Variants in GLIS3 observed in about 807,000 individuals in gnomAD.
GLIS3 encodes zinc finger protein GLIS3.
In GLIS3, 53 loss-of-function variants were observed where a neutral mutation model predicts 78.6. The observed-to-expected ratio is 0.67, with a 90% CI of 0.54 to 0.85. The LOEUF (loss-of-function observed/expected upper bound fraction) is 0.85, where lower values mean the gene tolerates loss of function less well. Ranked by LOEUF, GLIS3 falls within the 40% of genes least tolerant of loss-of-function variation. The pLI, the probability that GLIS3 is intolerant of heterozygous loss-of-function variation, is 0.00. For synonymous variants in GLIS3, 684 were observed against 509.9 expected (o/e 1.34, Z -4.60); for missense variants, 1,703 against 1,231.1 (o/e 1.38, Z -5.74).
At chr9:3,988,744 G>A (rs566803736) in intron 4 of GLIS3, among the ~76,000 whole-genome samples, 4 of 151,932 alleles carry the variant, frequency 2.6e-5, no homozygotes, top group South Asian at 4.1e-4. Context: ...AACCTCATAC[G>A]TTATACGAAG....
At chr9:4,288,175 A>G (rs192684029) in intron 1 of GLIS3, among the ~76,000 whole-genome samples, 5 of 152,312 alleles carry the variant, frequency 3.3e-5, no homozygotes, top group Admixed American at 2.0e-4. Flanking sequence ...CTGTAAATCC[A>G]TTCATTGGTA....
intron 4 of GLIS3, among the ~76,000 whole-genome samples, chr9:3,957,500 T>TA (rs1817209035): frequency 6.6e-6 from 1 of 152,226 alleles, no homozygotes; most frequent in Non-Finnish European, 1.5e-5. Context: ...TATTGCAGAC[T>TA]TGTCAACCAA....
At chr9:3,971,831 T>C (rs1033909404) in intron 4 of GLIS3, among the ~76,000 whole-genome samples, 2 of 152,030 alleles carry the variant, frequency 1.3e-5, no homozygotes, top group African/African-American at 4.8e-5. Context: ...CTTCCCAGAG[T>C]TGGAAAGAAA....
At chr9:4,323,639 TTTA>T (rs1026700992) in intron 2 of GLIS3, among the ~76,000 whole-genome samples, 4 of 152,200 alleles carry the variant, frequency 2.6e-5, no homozygotes, top group Admixed American at 2.6e-4. Context: ...GACCCCCTTA[TTTA>T]TTATAGACCT....
chr9:4,261,492 T>A (rs187462311), intron 2 of GLIS3, among the ~76,000 whole-genome samples: 53 of 152,218 alleles, frequency 3.5e-4, no homozygotes, highest in Admixed American at 5.9e-4. Flanking sequence ...ATCTCTATGG[T>A]AGAATAAAAC....
At chr9:4,450,296 G>C in the GLIS3 span, among the ~76,000 whole-genome samples, 1 of 152,196 alleles carries the variant, frequency 6.6e-6, no homozygotes, top group South Asian at 2.1e-4. Context: ...GAAGTTTAGA[G>C]AAAAAAGAGT....
chr9:4,377,987 C>G, the GLIS3 span, among the ~76,000 whole-genome samples: 2 of 152,124 alleles, frequency 1.3e-5, no homozygotes, highest in African/African-American at 4.8e-5. Context: ...CCATGGATTA[C>G]TCTGCAGCCA....
intron 4 of GLIS3, among the ~76,000 whole-genome samples, chr9:4,052,008 T>C (rs17755461): frequency 0.036 from 5,555 of 152,326 alleles, 166 homozygotes; most frequent in Non-Finnish European, 0.061. Context: ...TAGAGTGCAT[T>C]GGGAGAGGCC....
At chr9:4,153,732 T>A (rs1187765008) in intron 2 of GLIS3, among the ~76,000 whole-genome samples, 1 of 152,238 alleles carries the variant, frequency 6.6e-6, no homozygotes, top group Non-Finnish European at 1.5e-5. Context: ...GTCAACAGTT[T>A]ATTATAGTTT....
At chr9:4,159,030 G>GAAAAAACAAAAAAAA (rs141412126) in intron 2 of GLIS3, among the ~76,000 whole-genome samples, 1 of 79,094 alleles carries the variant, frequency 1.3e-5, no homozygotes, top group Non-Finnish European at 2.5e-5. Flanking sequence ...GAAAGGAGAA[G>GAAAAAACAAAAAAAA]AAGAAAAAAA....
intron 4 of GLIS3, among the ~76,000 whole-genome samples, chr9:4,018,271 A>G (rs1385872835): frequency 6.6e-6 from 1 of 152,230 alleles, no homozygotes; most frequent in East Asian, 1.9e-4. Flanking sequence ...AGGTTTAGAA[A>G]TAACTTCTAG....
At chr9:4,401,532 T>A in the GLIS3 span, among the ~76,000 whole-genome samples, 1 of 151,292 alleles carries the variant, frequency 6.6e-6, no homozygotes, top group Non-Finnish European at 1.5e-5. Context: ...CCAAAGTGCT[T>A]GAATTACCGG....
intron 4 of GLIS3, among the ~76,000 whole-genome samples, chr9:4,010,313 G>T (rs1284550567): frequency 6.6e-6 from 1 of 152,128 alleles, no homozygotes; most frequent in Non-Finnish European, 1.5e-5. Context: ...GTTTTCAGTT[G>T]CAATATGGGA....
At chr9:4,317,169 A>G (rs1817449042) in intron 2 of GLIS3, among the ~76,000 whole-genome samples, 1 of 152,222 alleles carries the variant, frequency 6.6e-6, no homozygotes, top group African/African-American at 2.4e-5. Context: ...TAAGCTCAAA[A>G]TATATTCTTG....
chr9:4,487,571 G>A, the GLIS3 span, among the ~76,000 whole-genome samples: 21 of 151,900 alleles, frequency 1.4e-4, no homozygotes, highest in Non-Finnish European at 2.8e-4. Flanking sequence ...CCAGAAAGTT[G>A]TGATGTACAC....
At chr9:4,430,998 C>A in the GLIS3 span, among the ~76,000 whole-genome samples, 1 of 152,210 alleles carries the variant, frequency 6.6e-6, no homozygotes, top group African/African-American at 2.4e-5. Context: ...TCCTGGCACA[C>A]AGAAGAGCTT....
At chr9:4,188,781 C>T (rs576759318) in intron 2 of GLIS3, among the ~76,000 whole-genome samples, 7 of 152,214 alleles carry the variant, frequency 4.6e-5, no homozygotes, top group South Asian at 2.1e-4. Context: ...AGTTTATTTG[C>T]GTAGAGGTGT....
intron 1 of GLIS3, among the ~76,000 whole-genome samples, chr9:4,347,736 T>G (rs994532818): frequency 3.4e-5 from 5 of 146,706 alleles, no homozygotes; most frequent in Non-Finnish European, 3.0e-5. Context: ...TTTTTTGAGG[T>G]TTTTTTTTGG....
the GLIS3 span, among the ~76,000 whole-genome samples, chr9:4,359,556 CA>C: frequency 2.0e-5 from 3 of 152,166 alleles, no homozygotes; most frequent in African/African-American, 7.2e-5. Context: ...TGACTGTTGA[CA>C]GGGGCAACAG....
Sources: gnomAD v4.1 joint callset for allele counts (sites outside exome capture counted in the v4.1 genomes callset) on GRCh38, gnomAD v4.1.1 for gene constraint, MANE v1.5 for transcripts, NCBI Gene and HGNC (gene_info 2026-07-23, HGNC 2026-07-21) for gene names.